The following NTRK3 variants were observed in gnomAD, a reference collection of about 807,000 sequenced individuals.
NTRK3 encodes neurotrophic receptor tyrosine kinase 3, also known as NT-3 growth factor receptor.
Under a neutral mutation model 91.7 loss-of-function variants are expected in NTRK3, and 24 were observed. The observed-to-expected ratio is 0.26, with a 90% CI of 0.19 to 0.37. The LOEUF (loss-of-function observed/expected upper bound fraction) is 0.37. Ranked by LOEUF, NTRK3 falls within the 10% of genes least tolerant of loss-of-function variation. The pLI is 1.00. For missense variants in NTRK3, 880 were observed against 1,068.9 expected (o/e 0.82, Z 2.46); for synonymous variants, 483 against 404.0 (o/e 1.20, Z -2.34).
chr15:87,874,349 A>G (rs1046277994), exon 19 of NTRK3: 1 of 231,226 alleles, frequency 4.3e-6, no homozygotes, highest in Non-Finnish European at 8.6e-6. Flanking sequence ...CATGACCCCA[A>G]GATCAGCGTG....
At chr15:88,036,109 T>C (rs2079047340) in intron 13 of NTRK3, among the ~76,000 whole-genome samples, 1 of 152,050 alleles carries the variant, frequency 6.6e-6, no homozygotes, top group Non-Finnish European at 1.5e-5. Flanking sequence ...ACTGAAAAAC[T>C]TTTGGAAATT....
chr15:88,048,667 T>G (rs1337325840), intron 13 of NTRK3, among the ~76,000 whole-genome samples: 5 of 152,160 alleles, frequency 3.3e-5, no homozygotes, highest in Non-Finnish European at 7.3e-5. Context: ...TTTCCTGCAT[T>G]CTAAAGAAAA....
chr15:87,876,474 C>T (rs1244268096), exon 19 of NTRK3: 1 of 227,436 alleles, frequency 4.4e-6, no homozygotes, highest in Non-Finnish European at 8.7e-6. Flanking sequence ...TTAACTCCTC[C>T]CGTCCCAGAG....
exon 19 of NTRK3, chr15:87,876,426 G>A (rs962416737): frequency 3.5e-5 from 8 of 228,384 alleles, no homozygotes; most frequent in Admixed American, 1.7e-4. Flanking sequence ...GTGAGCTTCC[G>A]GGGTAACAGA....
Position 88,079,809 on chromosome 15 carries a change from C to G in NTRK3, c.1396+46462G>C, listed in dbSNP as rs183604227. 3.2e-3 allele frequency among the ~76,000 whole-genome samples: 493 copies of G among 152,056 alleles called. 2 individuals carry two copies. The highest frequency in any genetic ancestry group is 7.1e-3 in the Admixed American group (108 of 15,254). On this transcript the variant is annotated intron_variant, in intron 13 of 18. Transcript: ENST00000394480. ...CATTAAATCCCTAACTTGAAGATGG[C>G]GAAAGAAAAGCACGAAGAAAATAAA...
chr15:87,874,621 A>T (rs2064901757), exon 19 of NTRK3: 1 of 232,588 alleles, frequency 4.3e-6, no homozygotes, highest in African/African-American at 2.2e-5. Context: ...TGTTCAGGAG[A>T]GGATATGGGA....
chr15:88,135,671 T>C (rs2041807901), intron 9 of NTRK3, among the ~76,000 whole-genome samples: 1 of 152,202 alleles, frequency 6.6e-6, no homozygotes, highest in Admixed American at 6.5e-5. Flanking sequence ...GTCCTGAAGA[T>C]GTAGTTGACT....
intron 14 of NTRK3, among the ~76,000 whole-genome samples, chr15:88,002,326 A>T (rs960596278): frequency 1.1e-4 from 17 of 152,076 alleles, no homozygotes; most frequent in African/African-American, 4.1e-4. Context: ...TCAGCCAAGG[A>T]TGGATAATGG....
At chr15:88,118,822 G>A (rs1404092059) in intron 13 of NTRK3, among the ~76,000 whole-genome samples, 4 of 152,128 alleles carry the variant, frequency 2.6e-5, no homozygotes, top group Non-Finnish European at 4.4e-5. Context: ...AAGGTATCGC[G>A]GGGCTGTTAA....
At chr15:88,125,374 G>T (rs1333272554) in intron 13 of NTRK3, among the ~76,000 whole-genome samples, 3 of 152,124 alleles carry the variant, frequency 2.0e-5, no homozygotes, top group Non-Finnish European at 4.4e-5. Context: ...AGAATCCATA[G>T]AAATTCATCT....
chr15:88,124,517 C>T (rs559984332), intron 13 of NTRK3, among the ~76,000 whole-genome samples: 3 of 152,328 alleles, frequency 2.0e-5, no homozygotes, highest in East Asian at 3.9e-4. Context: ...GCAACAATGC[C>T]CCATTCTTCC....
chr15:88,225,066 C>A (rs1372536879), intron 3 of NTRK3, among the ~76,000 whole-genome samples: 2 of 152,144 alleles, frequency 1.3e-5, no homozygotes, highest in Non-Finnish European at 2.9e-5. Context: ...CAGCCACTAC[C>A]AAGAGGTTGC....
At chr15:87,974,032 C>T (rs2073490234) in intron 14 of NTRK3, among the ~76,000 whole-genome samples, 3 of 152,174 alleles carry the variant, frequency 2.0e-5, no homozygotes, top group Non-Finnish European at 2.9e-5. Context: ...TCTGCCCGCT[C>T]CTGAGCTTTC....
At chr15:87,907,529 T>C (rs2141704570) in intron 17 of NTRK3, among the ~76,000 whole-genome samples, 1 of 152,286 alleles carries the variant, frequency 6.6e-6, no homozygotes, top group South Asian at 2.1e-4. Flanking sequence ...AGTATCAGGA[T>C]AATACTGTAT....
chr15:87,932,689 T>G (rs1009331547), intron 16 of NTRK3, among the ~76,000 whole-genome samples: 2 of 152,296 alleles, frequency 1.3e-5, no homozygotes, highest in East Asian at 1.9e-4. Context: ...AGGGTGGCCC[T>G]AGAATCTTGG....
exon 19 of NTRK3, chr15:87,863,567 C>T (rs1596027214): frequency 4.6e-6 from 1 of 218,822 alleles, no homozygotes; most frequent in Non-Finnish European, 9.1e-6. Flanking sequence ...CAAAAATAGC[C>T]CTGAAGCAAC....
At chr15:88,008,826 A>G (rs375031541) in intron 14 of NTRK3, among the ~76,000 whole-genome samples, 8 of 152,342 alleles carry the variant, frequency 5.3e-5, no homozygotes, top group East Asian at 3.9e-4. Flanking sequence ...AATGGAATAT[A>G]TAAGATCCAC....
intron 14 of NTRK3, among the ~76,000 whole-genome samples, chr15:87,996,046 C>T (rs975692930): frequency 2.0e-5 from 3 of 152,112 alleles, no homozygotes; most frequent in African/African-American, 7.2e-5. Context: ...GAGTTCAAGA[C>T]CAGCCTGGCC....
At position 88,019,035 on chromosome 15, in the gene NTRK3, T is replaced by C. The variant is rs918292426; in HGVS notation, c.1585+13822A>G. ...CACACAGCTTGCTCAACCAAGATAGTTGGATCCAGCTAAAACCACAAGCAG... is the reference window on the plus strand; with the variant it reads ...CACACAGCTTGCTCAACCAAGATAGCTGGATCCAGCTAAAACCACAAGCAG... On this transcript the variant is annotated intron_variant, in intron 14 of 18. Coordinates refer to ENST00000394480, the Ensembl canonical transcript of NTRK3. 3.3e-5 allele frequency among the ~76,000 whole-genome samples: 5 copies of C among 152,224 alleles called. No individual in the cohort carries two copies. The East Asian group carries it at 7.8e-4, about 24-fold the overall frequency.
Sources: allele counts gnomAD v4.1 joint callset (sites outside exome capture counted in the v4.1 genomes callset), GRCh38; gene constraint gnomAD v4.1.1; transcripts MANE v1.5; gene names NCBI Gene and HGNC (gene_info 2026-07-23, HGNC 2026-07-21).